Variants in EYS observed in about 807,000 individuals in gnomAD.
EYS encodes the protein EGF-like photoreceptor maintenance factor.
A neutral mutation model predicts 282.1 loss-of-function variants in EYS; 250 were observed. The ratio of observed to expected loss-of-function variants is 0.89; its 90% CI spans 0.80 to 0.98. The LOEUF is 0.98. EYS is among the 50% of genes least tolerant of loss of function. EYS has a pLI of 0.00. For missense variants in EYS, 4,016 were observed against 3,709.0 expected (o/e 1.08, Z -2.15); for synonymous variants, 1,355 against 1,282.9 (o/e 1.06, Z -1.20).
chr6:65,562,396 A>G (rs1004534442), intron 2 of EYS, among the ~76,000 whole-genome samples: 15 of 152,112 alleles, frequency 9.9e-5, no homozygotes, highest in African/African-American at 3.4e-4. Context: ...AACTTATTGT[A>G]GTGTATTCCC....
intron 5 of EYS, among the ~76,000 whole-genome samples, chr6:65,465,955 A>G (rs115074325): frequency 0.011 from 1,636 of 150,608 alleles, 24 homozygotes; most frequent in African/African-American, 0.038. Flanking sequence ...CTGGATGAAG[A>G]GTAAGACCCT....
intron 13 of EYS, among the ~76,000 whole-genome samples, chr6:65,016,089 C>G (rs529552099): frequency 1.7e-4 from 24 of 141,346 alleles, no homozygotes; most frequent in African/African-American, 6.0e-4. Context: ...AAAAAACAGG[C>G]GCCATGGCTC....
At chr6:64,031,724 T>C (rs1769850590) in intron 33 of EYS, among the ~76,000 whole-genome samples, 1 of 152,058 alleles carries the variant, frequency 6.6e-6, no homozygotes, top group Non-Finnish European at 1.5e-5. Flanking sequence ...GGTGGGGACT[T>C]GGAGAACTTT....
In EYS at chr6:65,344,154, C is replaced by G. The variant is rs771221172; in HGVS notation, c.1483G>C (p.Gly495Arg). The G allele has an allele frequency of 3.7e-5, 59 of 1,610,020 alleles. No homozygotes were observed. The Admixed American group carries it at 9.9e-4, about 27-fold the overall frequency. Residue 495 changes from glycine (G) to arginine (R), a missense_variant, in exon 10 of 43, where the codon GGG becomes CGG. Transcript: ENST00000503581. ...FAGSEGEKCQ[G>R]VIDAYFFLAA... is the part of the protein sequence containing the mutation. ...AGAAAGAAATAGGCATCAATAACCC[C>G]TTGGCACTTTTCGCCTTCAGATCCT... is the stretch of plus-strand genomic sequence containing the variant.
chr6:65,522,947 A>C (rs979371338), intron 2 of EYS, among the ~76,000 whole-genome samples: 3 of 152,192 alleles, frequency 2.0e-5, no homozygotes, highest in Non-Finnish European at 4.4e-5. Flanking sequence ...ATGAAGTTAA[A>C]TGTAGGATAT....
intron 41 of EYS, among the ~76,000 whole-genome samples, chr6:63,756,324 G>T (rs1164543664): frequency 6.6e-6 from 1 of 152,074 alleles, no homozygotes; most frequent in African/African-American, 2.4e-5. Flanking sequence ...TTTATTAAGA[G>T]TTTTTAGCAT....
At chr6:65,178,802 T>C (rs1765295990) in intron 12 of EYS, among the ~76,000 whole-genome samples, 1 of 152,104 alleles carries the variant, frequency 6.6e-6, no homozygotes. Flanking sequence ...ATTGACCGTA[T>C]AGTTGGAAGT....
intron 2 of EYS, among the ~76,000 whole-genome samples, chr6:65,607,411 T>C (rs537603197): frequency 6.6e-6 from 1 of 152,006 alleles, no homozygotes; most frequent in African/African-American, 2.4e-5. Flanking sequence ...TGACAACTTT[T>C]CTGCAAATTT....
intron 12 of EYS, among the ~76,000 whole-genome samples, chr6:65,085,536 A>G (rs1451853522): frequency 6.6e-6 from 1 of 152,166 alleles, no homozygotes; most frequent in Non-Finnish European, 1.5e-5. Flanking sequence ...CTTAAAATGA[A>G]ATAATGCAAT....
chr6:64,322,190 A>G (rs1770240182), intron 29 of EYS, among the ~76,000 whole-genome samples: 1 of 152,020 alleles, frequency 6.6e-6, no homozygotes. Flanking sequence ...GAGCCTGAAA[A>G]TTAATCGACA....
At chr6:64,502,109 T>C (rs1777064856) in intron 26 of EYS, among the ~76,000 whole-genome samples, 1 of 152,238 alleles carries the variant, frequency 6.6e-6, no homozygotes, top group Admixed American at 6.5e-5. Context: ...TTATTACATT[T>C]GTGTTTCTTT....
At chr6:64,295,323 AG>A (rs1768886388) in intron 30 of EYS, among the ~76,000 whole-genome samples, 1 of 53,910 alleles carries the variant, frequency 1.9e-5, no homozygotes, top group African/African-American at 1.6e-4. Flanking sequence ...CCTAAAACGA[AG>A]AAGAAGGAAG....
At chr6:64,243,309 G>C (rs907968634) in intron 30 of EYS, among the ~76,000 whole-genome samples, 1 of 152,086 alleles carries the variant, frequency 6.6e-6, no homozygotes, top group Admixed American at 6.6e-5. Flanking sequence ...TGTTAGTCAA[G>C]AGTAATGTCA....
chr6:64,492,974 C>T (rs2225868), intron 26 of EYS, among the ~76,000 whole-genome samples: 45,245 of 151,002 alleles, frequency 0.3, 6,829 homozygotes, highest in East Asian at 0.47. Context: ...AATTCGAAAG[C>T]ATTGAAAGGA....
chr6:63,876,077 T>C (rs991039680), intron 35 of EYS, among the ~76,000 whole-genome samples: 3 of 152,250 alleles, frequency 2.0e-5, no homozygotes, highest in African/African-American at 7.2e-5. Flanking sequence ...GTGTCAATTT[T>C]AGATCTTTCC....
At chr6:65,037,306 T>G (rs1356268784) in intron 13 of EYS, among the ~76,000 whole-genome samples, 1 of 151,712 alleles carries the variant, frequency 6.6e-6, no homozygotes, top group Non-Finnish European at 1.5e-5. Context: ...GAGGACCTAC[T>G]TGAAGGTCAA....
At chr6:64,277,587 T>C (rs1002730750) in intron 30 of EYS, among the ~76,000 whole-genome samples, 1 of 152,096 alleles carries the variant, frequency 6.6e-6, no homozygotes, top group Non-Finnish European at 1.5e-5. Flanking sequence ...ATAATGTCCA[T>C]AGAATCCAGA....
intron 12 of EYS, among the ~76,000 whole-genome samples, chr6:65,272,405 T>C (rs1267988183): frequency 6.6e-6 from 1 of 152,118 alleles, no homozygotes; most frequent in African/African-American, 2.4e-5. Context: ...CTGCAGTCCA[T>C]GGATGGCTAA....
At chr6:65,233,129 A>G (rs1298914839) in intron 12 of EYS, among the ~76,000 whole-genome samples, 1 of 152,064 alleles carries the variant, frequency 6.6e-6, no homozygotes, top group Non-Finnish European at 1.5e-5. Flanking sequence ...TGTTTTTAAG[A>G]GCTGCTTTGA....
Sources: allele counts gnomAD v4.1 joint callset (sites outside exome capture counted in the v4.1 genomes callset), GRCh38; gene constraint gnomAD v4.1.1; transcripts MANE v1.5; gene names NCBI Gene and HGNC (gene_info 2026-07-23, HGNC 2026-07-21).